ADAMTS15: variants seen among roughly 807,000 people sequenced by gnomAD.
The protein encoded by ADAMTS15 is ADAM metallopeptidase with thrombospondin type 1 motif 15, also known as A disintegrin and metalloproteinase with thrombospondin motifs 15.
In ADAMTS15, 35 loss-of-function variants were observed where a neutral mutation model predicts 79.1. The observed-to-expected ratio is 0.44, with a 90% confidence interval of 0.34 to 0.59. The LOEUF (loss-of-function observed/expected upper bound fraction) is 0.59, where lower values mean the gene tolerates loss of function less well. ADAMTS15 is among the 20% of genes least tolerant of loss of function. ADAMTS15 has a pLI of 0.02. For missense variants in ADAMTS15, 1,324 were observed against 1,318.7 expected (o/e 1.00, Z -0.06); for synonymous variants, 616 against 567.3 (o/e 1.09, Z -1.22).
chr11:130,449,423 C>G lies in ADAMTS15; in HGVS notation c.450C>G (p.Asn150Lys). 6.3e-7 allele frequency: 1 copy of G among 1,595,894 alleles called. No individual in the cohort carries two copies. The highest frequency in any genetic ancestry group is 8.5e-7 in the Non-Finnish European group (1 of 1,176,032). Residue 150 changes from asparagine (N) to lysine (K), a missense_variant, in exon 1 of 8, where the codon AAC becomes AAG. Transcript: ENST00000299164. This position sits in a 1 kb window ranked among gnomAD's most constrained non-coding sequence, Gnocchi z 7.8. Reference sequence around the variant, plus strand: ...CTAGCGCGCCGGCGGCGCAGCGCAACAGCCAGGGCGCACACCTTCTCCAGC... The same window carrying G: ...CTAGCGCGCCGGCGGCGCAGCGCAAGAGCCAGGGCGCACACCTTCTCCAGC... Reference protein sequence around the residue: ...PNASAPAAQRNSQGAHLLQRR... With the variant: ...PNASAPAAQRKSQGAHLLQRR...
At chr11:130,458,248 T>C (rs1592145388) in intron 1 of ADAMTS15, among the ~76,000 whole-genome samples, 1 of 152,184 alleles carries the variant, frequency 6.6e-6, no homozygotes, top group East Asian at 1.9e-4. Flanking sequence ...TTTGTAGAGA[T>C]GGGGTCTTGT....
chr11:130,454,032 G>C (rs188203218), intron 1 of ADAMTS15, among the ~76,000 whole-genome samples: 21 of 152,128 alleles, frequency 1.4e-4, no homozygotes, highest in African/African-American at 3.9e-4. Flanking sequence ...TGCCCAGGCT[G>C]GTCTCAAACT....
At chr11:130,450,616 TAGTTA>T (rs1298785158) in intron 1 of ADAMTS15, among the ~76,000 whole-genome samples, 1 of 152,156 alleles carries the variant, frequency 6.6e-6, no homozygotes, top group East Asian at 1.9e-4. Context: ...GCAGGCGGTG[TAGTTA>T]GGGCACCTGT....
At chr11:130,467,386 G>A (rs1938323414) in intron 4 of ADAMTS15, among the ~76,000 whole-genome samples, 1 of 152,198 alleles carries the variant, frequency 6.6e-6, no homozygotes, top group South Asian at 2.1e-4. Context: ...GGAATGAGGT[G>A]AGGCGCTAGT....
rs1296074660 is a variant in ADAMTS15, at chr11:130,475,318, TAGAAAC to T, written c.*1500_*1505del. The T allele has an allele frequency of 6.6e-6, 1 of 152,196 alleles. No individual in the cohort carries two copies. Among genetic ancestry groups the T allele is most frequent in the Non-Finnish European group, 1.5e-5 (1 of 68,028 alleles). 9.4% of individuals were successfully genotyped at this position (152,196 alleles called of 1,614,324 possible). On this transcript the variant is annotated 3_prime_UTR_variant, in exon 8 of 8. Coordinates refer to ENST00000299164, the MANE Select transcript of ADAMTS15 (RefSeq NM_139055.4). ...CTGTCTTATAGACATGTCAGGAAAA[TAGAAAC>T]AGGCATTTTCTCTAGCTCCAAGTGG... is the stretch of plus-strand genomic sequence containing the variant.
chr11:130,470,209 T>TATATATATATATATATAC, intron 5 of ADAMTS15, among the ~76,000 whole-genome samples: 1 of 60,106 alleles, frequency 1.7e-5, no homozygotes, highest in African/African-American at 9.6e-5. Context: ...TATATATATA[T>TATATATATATATATATAC]GTATATATAT....
At chr11:130,469,734 C>T (rs1938381979) in intron 5 of ADAMTS15, among the ~76,000 whole-genome samples, 1 of 152,096 alleles carries the variant, frequency 6.6e-6, no homozygotes, top group Admixed American at 6.5e-5. Flanking sequence ...GCCTGGGAGA[C>T]TAAATGGATC....
chr11:130,467,837 G>T (rs147576623), intron 4 of ADAMTS15, among the ~76,000 whole-genome samples: 8 of 149,758 alleles, frequency 5.3e-5, no homozygotes, highest in African/African-American at 2.0e-4. Flanking sequence ...AAGCCAAACC[G>T]AGTTTTAGGA....
In ADAMTS15 at chr11:130,473,581, G is replaced by C; in HGVS notation, c.2613G>C (p.Gly871=). The change falls in exon 8 of 8, where the codon GGG becomes GGC. Residue 871 remains glycine (G), a synonymous_variant. Transcript: ENST00000299164. ...CGGTGGACTGCCGGGGCTCCGCCGG[G>C]CAGCGCACGGTCCCTGCCTGTGATG... ...KRAVDCRGSA[G]QRTVPACDAA... The C allele has an allele frequency of 1.2e-6, 2 of 1,604,948 alleles. No homozygotes were observed. The highest frequency in any genetic ancestry group is 1.7e-6 in the Non-Finnish European group (2 of 1,175,380).
chr11:130,462,291 C>A lies in ADAMTS15; in HGVS notation c.1258+37C>A, dbSNP rs777096945. 6.3e-6 allele frequency: 10 copies of A among 1,580,350 alleles called. No homozygotes were observed. The highest frequency in any genetic ancestry group is 8.6e-6 in the Non-Finnish European group (10 of 1,161,552). Reference sequence around the variant, plus strand: ...CGGCGGGAGGGCAATGAGGCCGCCTCGGAGGGGGCTTTGCTGCTGCCCCTG... The same window carrying A: ...CGGCGGGAGGGCAATGAGGCCGCCTAGGAGGGGGCTTTGCTGCTGCCCCTG... On this transcript the variant is annotated intron_variant, in intron 3 of 7. Coordinates refer to ENST00000299164, the MANE Select transcript of ADAMTS15 (RefSeq NM_139055.4). The surrounding 1 kb of genome is among the most constrained non-coding windows in gnomAD (Gnocchi z 4.3).
Position 130,449,320 on chromosome 11 carries a change from C to G in ADAMTS15, c.347C>G (p.Ala116Gly), listed in dbSNP as rs1180455680. Residue 116 changes from alanine (A) to glycine (G), a missense_variant, in exon 1 of 8, where the codon GCT (alanine) becomes GGT (glycine). Ala to Gly is a moderately conservative substitution (Grantham distance 60). Transcript: ENST00000299164. This position sits in a 1 kb window ranked among gnomAD's most constrained non-coding sequence, Gnocchi z 7.8. ...DVNAEPDSFA[A>G]VSLCGGLRGA... ...AACGCCGAGCCGGACTCGTTCGCTG[C>G]TGTGAGCCTGTGCGGGGGGCTCCGC... The G allele has an allele frequency of 6.2e-7, 1 of 1,610,006 alleles. No homozygotes were observed. Among genetic ancestry groups the G allele is most frequent in the East Asian group, 2.2e-5 (1 of 44,874 alleles).
intron 1 of ADAMTS15, among the ~76,000 whole-genome samples, chr11:130,455,823 C>T (rs894777159): frequency 1.2e-4 from 19 of 152,144 alleles, no homozygotes; most frequent in Non-Finnish European, 2.4e-4. Context: ...CTCGTTCAAC[C>T]GGAGAGGTGG....
chr11:130,459,940 T>A (rs1158244667), intron 1 of ADAMTS15, among the ~76,000 whole-genome samples: 2 of 152,252 alleles, frequency 1.3e-5, no homozygotes, highest in Non-Finnish European at 2.9e-5. Context: ...TGCATATACG[T>A]GCACATGCAT....
At chr11:130,451,880 A>T (rs913271257) in intron 1 of ADAMTS15, among the ~76,000 whole-genome samples, 1 of 152,252 alleles carries the variant, frequency 6.6e-6, no homozygotes, top group Non-Finnish European at 1.5e-5. Flanking sequence ...TTGTCCATGC[A>T]TAATGGGTAC....
At position 130,449,873 on chromosome 11, in the gene ADAMTS15, C is replaced by G; in HGVS notation, c.900C>G (p.Asn300Lys). 3 of 1,603,728 alleles carry G rather than the reference C, an allele frequency of 1.9e-6. No individual in the cohort carries two copies. Among genetic ancestry groups the G allele is most frequent in the Non-Finnish European group, 2.5e-6 (3 of 1,179,970 alleles). ...TCTGTGCCTGGCAGAAGAAGCTGAA[C>G]AAAGTGAGTGACAAGCACCCCGAGT... ...RNFCAWQKKL[N>K]KVSDKHPEYW... is the part of the protein sequence containing the mutation. Residue 300 changes from asparagine (N) to lysine (K), a missense_variant, in exon 1 of 8, where the codon AAC becomes AAG. Coordinates refer to ENST00000299164, the MANE Select transcript of ADAMTS15 (RefSeq NM_139055.4). The surrounding 1 kb of genome is among the most constrained non-coding windows in gnomAD (Gnocchi z 7.8).
In ADAMTS15 at chr11:130,471,285, T is replaced by C. The variant is rs2134740356; in HGVS notation, c.1980T>C (p.Asp660=). The change falls in exon 7 of 8, where the codon GAT becomes GAC. Residue 660 remains aspartate (D), a synonymous_variant. Coordinates refer to ENST00000299164, the MANE Select transcript of ADAMTS15 (RefSeq NM_139055.4). ...VQGKCIKAGC[D]GNLGSKKRFD... Reference sequence around the variant, plus strand: ...GCAAGTGCATCAAGGCTGGCTGTGATGGGAACCTGGGCTCCAAGAAGAGAT... The same window carrying C: ...GCAAGTGCATCAAGGCTGGCTGTGACGGGAACCTGGGCTCCAAGAAGAGAT... The C allele has an allele frequency of 1.9e-6, 3 of 1,613,238 alleles. No individual in the cohort carries two copies. The highest frequency in any genetic ancestry group is 2.2e-5 in the East Asian group (1 of 44,854).
rs369731938 is a variant in ADAMTS15 at position 130,462,187 on chromosome 11, C to T, written c.1191C>T (p.Ile397=). The change falls in exon 3 of 8, where the codon ATC becomes ATT. Residue 397 remains isoleucine (I), a synonymous_variant. Coordinates refer to ENST00000299164, the MANE Select transcript of ADAMTS15 (RefSeq NM_139055.4). This position sits in a 1 kb window ranked among gnomAD's most constrained non-coding sequence, Gnocchi z 4.3. ...NHMMSPTLIQ[I]DRANPWSACS... The stretch of plus-strand genomic sequence containing the variant: ...TGATGTCCCCGACCCTCATCCAGAT[C>T]GACCGTGCCAACCCCTGGTCAGCCT... The T allele has an allele frequency of 1.1e-5, 18 of 1,614,086 alleles. No homozygotes were observed. The highest frequency in any genetic ancestry group is 1.4e-5 in the Non-Finnish European group (16 of 1,180,048).
chr11:130,473,530 C>A lies in ADAMTS15; in HGVS notation c.2562C>A (p.Ser854Arg). Residue 854 changes from serine to arginine, a missense_variant, in exon 8 of 8, where the codon AGC (serine) becomes AGA (arginine). Coordinates refer to ENST00000299164, the MANE Select transcript of ADAMTS15 (RefSeq NM_139055.4). ...VAGSWGPCSA[S>R]CGSGLQKRAV... Reference sequence around the variant, plus strand: ...GCAGCTGGGGGCCGTGCTCCGCGAGCTGCGGCAGTGGCCTGCAGAAGCGGG... The same window carrying A: ...GCAGCTGGGGGCCGTGCTCCGCGAGATGCGGCAGTGGCCTGCAGAAGCGGG... The A allele has an allele frequency of 6.2e-7, 1 of 1,607,230 alleles. No homozygotes were observed. The highest frequency in any genetic ancestry group is 8.5e-7 in the Non-Finnish European group (1 of 1,176,332).
Position 130,470,915 on chromosome 11 carries a change from C to T in ADAMTS15, c.1721-5C>T. On this transcript the variant is annotated splice_region_variant and splice_polypyrimidine_tract_variant and intron_variant, in intron 5 of 7. Coordinates refer to ENST00000299164, the MANE Select transcript of ADAMTS15 (RefSeq NM_139055.4). Reference sequence around the variant, plus strand: ...AACTTCTTTCTTATGCTTCTCCCTCCCTAGCCTCCGGAAAGAGCTTCCGGG... The same window carrying T: ...AACTTCTTTCTTATGCTTCTCCCTCTCTAGCCTCCGGAAAGAGCTTCCGGG... 6.2e-7 allele frequency: 1 copy of T among 1,612,166 alleles called. No homozygotes were observed. The highest frequency in any genetic ancestry group is 8.5e-7 in the Non-Finnish European group (1 of 1,179,264).
Sources: allele counts gnomAD v4.1 joint callset (sites outside exome capture counted in the v4.1 genomes callset), GRCh38; gene constraint gnomAD v4.1.1; non-coding constraint Gnocchi (gnomAD v3.1); transcripts MANE v1.5; gene names NCBI Gene and HGNC (gene_info 2026-07-23, HGNC 2026-07-21).